The following DNER variants were observed in gnomAD, a reference collection of about 807,000 sequenced individuals.
DNER encodes the protein delta and Notch-like epidermal growth factor-related receptor.
In DNER, 33 loss-of-function variants were observed where a neutral mutation model predicts 78.2. The observed-to-expected ratio is 0.42, with a 90% confidence interval of 0.32 to 0.56. DNER has a LOEUF of 0.56. Ranked by LOEUF, DNER falls within the 20% of genes least tolerant of loss-of-function variation. DNER has a pLI of 0.11. For missense variants in DNER, 918 were observed against 975.3 expected (o/e 0.94, Z 0.78); for synonymous variants, 417 against 384.8 (o/e 1.08, Z -0.98).
chr2:229,661,810 C>A (rs1699015247), intron 1 of DNER, among the ~76,000 whole-genome samples: 1 of 152,120 alleles, frequency 6.6e-6, no homozygotes, highest in Non-Finnish European at 1.5e-5. Flanking sequence ...TTCATAGTGA[C>A]CCCTTTGAAA....
intron 4 of DNER, among the ~76,000 whole-genome samples, chr2:229,566,285 T>TA (rs1412183963): frequency 6.6e-6 from 1 of 152,196 alleles, no homozygotes; most frequent in East Asian, 1.9e-4. Flanking sequence ...CACACTGATT[T>TA]AAAATCCCAA....
At chr2:229,376,114 G>A (rs566493327) in intron 11 of DNER, among the ~76,000 whole-genome samples, 1 of 152,186 alleles carries the variant, frequency 6.6e-6, no homozygotes, top group Admixed American at 6.5e-5. Context: ...TGAAATGTGA[G>A]TCAATTAAAC....
At chr2:229,705,717 T>G (rs1364685933) in intron 1 of DNER, among the ~76,000 whole-genome samples, 1 of 152,202 alleles carries the variant, frequency 6.6e-6, no homozygotes, top group African/African-American at 2.4e-5. Flanking sequence ...CATATTCACT[T>G]TTATCAAAAT....
intron 11 of DNER, among the ~76,000 whole-genome samples, chr2:229,383,258 G>A (rs1440368403): frequency 2.0e-5 from 3 of 152,136 alleles, no homozygotes; most frequent in Non-Finnish European, 4.4e-5. Flanking sequence ...AGCTCCTGAA[G>A]GAAGCACTAA....
At chr2:229,570,488 A>C (rs1401454532) in intron 4 of DNER, among the ~76,000 whole-genome samples, 2 of 152,068 alleles carry the variant, frequency 1.3e-5, no homozygotes, top group Non-Finnish European at 2.9e-5. Context: ...TTAGTCAGGC[A>C]TGGTGTTGGG....
intron 1 of DNER, among the ~76,000 whole-genome samples, chr2:229,600,118 C>T (rs1429298553): frequency 6.6e-6 from 1 of 152,170 alleles, no homozygotes; most frequent in Non-Finnish European, 1.5e-5. Context: ...TTCTGATGCA[C>T]CTGGCCCCAA....
In DNER at chr2:229,592,675, G is replaced by A. The variant is rs1279599067; in HGVS notation, c.277-787C>T. Among the ~76,000 whole-genome samples the A allele has an allele frequency of 4.7e-5, 7 of 147,528 alleles. No individual in the cohort carries two copies. The East Asian group carries it at 1.2e-3, about 24-fold the overall frequency. The stretch of plus-strand genomic sequence containing the variant: ...ACCTCTGAATGGCCATGTGTTGGTA[G>A]TTGCAGACACGCTACAAAACAATGT... On this transcript the variant is annotated intron_variant, in intron 1 of 12. Coordinates refer to ENST00000341772, the MANE Select transcript of DNER (RefSeq NM_139072.4).
chr2:229,714,085 C>G, intron 1 of DNER, 63 bp downstream of exon 1: 2 of 1,238,066 alleles, frequency 1.6e-6, no homozygotes, highest in Non-Finnish European at 2.0e-6. Flanking sequence ...GCAGCAGGGC[C>G]GGCGGGAAGA....
At chr2:229,712,205 T>C (rs1010049011) in intron 1 of DNER, among the ~76,000 whole-genome samples, 4 of 152,368 alleles carry the variant, frequency 2.6e-5, no homozygotes, top group African/African-American at 9.6e-5. Flanking sequence ...AATCTGAATC[T>C]GTTTTGATCC....
At chr2:229,476,225 G>A (rs982775298) in intron 7 of DNER, among the ~76,000 whole-genome samples, 1 of 152,102 alleles carries the variant, frequency 6.6e-6, no homozygotes, top group African/African-American at 2.4e-5. Context: ...TTTAGTTGAT[G>A]TTCACTTCTC....
rs191667351 is a variant in DNER at position 229,488,907 on chromosome 2, C to T, written c.1148-11654G>A. Among the ~76,000 whole-genome samples, 4 of 152,360 alleles carry T rather than the reference C, an allele frequency of 2.6e-5. No homozygotes were observed. The East Asian group carries it at 7.7e-4, about 29-fold the overall frequency. On this transcript the variant is annotated intron_variant, in intron 6 of 12. Transcript: ENST00000341772. ...ATCAACAGCTGACATTTGTTGAGGGCTTACTATGCACCAGGTCACTTTCCA... is the reference window on the plus strand; with the variant it reads ...ATCAACAGCTGACATTTGTTGAGGGTTTACTATGCACCAGGTCACTTTCCA...
intron 4 of DNER, among the ~76,000 whole-genome samples, chr2:229,575,394 C>T (rs1697279414): frequency 6.6e-6 from 1 of 152,148 alleles, no homozygotes; most frequent in African/African-American, 2.4e-5. Context: ...ATGACAGTGC[C>T]CTTCCACATG....
At chr2:229,435,764 T>C (rs143850509) in intron 8 of DNER, among the ~76,000 whole-genome samples, 7 of 152,306 alleles carry the variant, frequency 4.6e-5, no homozygotes, top group Non-Finnish European at 7.4e-5. Context: ...AATTGAAACA[T>C]GATCTTGGTA....
intron 1 of DNER, among the ~76,000 whole-genome samples, chr2:229,605,751 G>T (rs576282410): frequency 6.6e-6 from 1 of 152,112 alleles, no homozygotes; most frequent in East Asian, 1.9e-4. Flanking sequence ...AACTAGCTGG[G>T]CATGGTGGCA....
intron 4 of DNER, among the ~76,000 whole-genome samples, chr2:229,572,990 C>T (rs1697241987): frequency 6.6e-6 from 1 of 152,132 alleles, no homozygotes. Context: ...GTCCTGGGAA[C>T]AGTGTCCTAC....
At chr2:229,701,008 A>T (rs1699737961) in intron 1 of DNER, among the ~76,000 whole-genome samples, 1 of 152,260 alleles carries the variant, frequency 6.6e-6, no homozygotes, top group South Asian at 2.1e-4. Context: ...TGCATATAAA[A>T]GTATTTACAT....
intron 9 of DNER, among the ~76,000 whole-genome samples, chr2:229,413,158 T>A (rs949130076): frequency 6.6e-6 from 1 of 151,994 alleles, no homozygotes; most frequent in African/African-American, 2.4e-5. Context: ...AGTCTTACAT[T>A]ATTATTATAG....
intron 8 of DNER, among the ~76,000 whole-genome samples, chr2:229,441,825 T>C (rs987324609): frequency 6.6e-6 from 1 of 152,184 alleles, no homozygotes; most frequent in African/African-American, 2.4e-5. Context: ...GCAGAAGACA[T>C]CATGGCCCAG....
At chr2:229,577,928 T>G (rs1697331560) in intron 4 of DNER, among the ~76,000 whole-genome samples, 1 of 152,186 alleles carries the variant, frequency 6.6e-6, no homozygotes, top group South Asian at 2.1e-4. Flanking sequence ...CTGCCAACTA[T>G]CTTATTTCTT....
Sources: gnomAD v4.1 joint callset for allele counts (sites outside exome capture counted in the v4.1 genomes callset) on GRCh38, gnomAD v4.1.1 for gene constraint, MANE v1.5 for transcripts, NCBI Gene and HGNC (gene_info 2026-07-23, HGNC 2026-07-21) for gene names.